ARHGAP15: variants seen among roughly 807,000 people sequenced by gnomAD.
ARHGAP15 encodes Rho GTPase activating protein 15, also known as rho GTPase-activating protein 15.
ARHGAP15 carries 51 observed loss-of-function variants against 63.7 expected under a neutral mutation model. That is an observed-to-expected ratio of 0.80 (90% CI 0.64 to 1.01). The LOEUF is 1.01. Among genes scored for constraint, ARHGAP15 ranks in the 50% least tolerant of loss-of-function variants. ARHGAP15 has a pLI of 0.00. For missense variants in ARHGAP15, 560 were observed against 564.6 expected (o/e 0.99, Z 0.08); for synonymous variants, 191 against 193.8 (o/e 0.99, Z 0.12).
intron 5 of ARHGAP15, chr2:143,238,090 C>T: frequency 6.6e-6 from 1 of 152,124 alleles, no homozygotes; most frequent in East Asian, 1.9e-4. Flanking sequence ...ACTATAAAAA[C>T]TCTAGAATGA....
intron 13 of ARHGAP15, among the ~76,000 whole-genome samples, chr2:143,757,334 A>G (rs562296570): frequency 6.6e-6 from 1 of 151,904 alleles, no homozygotes; most frequent in East Asian, 1.9e-4. Flanking sequence ...ATATAGGGAA[A>G]CCCCGTCTCT....
chr2:143,190,431 A>G (rs1691635860), intron 2 of ARHGAP15, among the ~76,000 whole-genome samples: 1 of 152,122 alleles, frequency 6.6e-6, no homozygotes, highest in African/African-American at 2.4e-5. Context: ...GAAGGGATAT[A>G]TTTTTGCCTC....
At chr2:143,765,107 ATATGTGTGTG>A (rs1165488703) in intron 13 of ARHGAP15, among the ~76,000 whole-genome samples, 1 of 110,324 alleles carries the variant, frequency 9.1e-6, no homozygotes, top group Non-Finnish European at 1.8e-5. Flanking sequence ...TGCCTCTAAA[ATATGTGTGTG>A]TGTGTGTGTG....
At chr2:143,371,014 A>G (rs1029559323) in intron 6 of ARHGAP15, among the ~76,000 whole-genome samples, 1 of 151,956 alleles carries the variant, frequency 6.6e-6, no homozygotes, top group African/African-American at 2.4e-5. Context: ...AATTGGGGGG[A>G]ATAGGTTGTT....
chr2:143,455,850 A>G (rs544235624), intron 8 of ARHGAP15, among the ~76,000 whole-genome samples: 3 of 152,086 alleles, frequency 2.0e-5, no homozygotes, highest in African/African-American at 7.2e-5. Flanking sequence ...AAATGCTCCA[A>G]TCTTGAGTCC....
At chr2:143,289,185 GA>G (rs1682263668) in intron 6 of ARHGAP15, among the ~76,000 whole-genome samples, 1 of 146,438 alleles carries the variant, frequency 6.8e-6, no homozygotes, top group Non-Finnish European at 1.5e-5. Context: ...CAAAAAGGGG[GA>G]AAAATGAAAG....
chr2:143,703,962 TG>T (rs911616652), intron 13 of ARHGAP15: 13 of 149,594 alleles, frequency 8.7e-5, no homozygotes, highest in African/African-American at 3.0e-4. Context: ...TGGCTCAGAT[TG>T]ATAAGGTGCT....
chr2:143,325,818 A>T (rs1282746015), intron 6 of ARHGAP15, among the ~76,000 whole-genome samples: 1 of 152,196 alleles, frequency 6.6e-6, no homozygotes, highest in Non-Finnish European at 1.5e-5. Context: ...ATTTCCATCT[A>T]TAATGCACTT....
intron 6 of ARHGAP15, among the ~76,000 whole-genome samples, chr2:143,407,021 G>A (rs750402104): frequency 5.3e-5 from 8 of 151,902 alleles, no homozygotes; most frequent in African/African-American, 9.7e-5. Context: ...GCTTAGAAAT[G>A]GAGTCTAGCT....
chr2:143,624,291 AG>A (rs1698755516), intron 12 of ARHGAP15, 24 bp downstream of exon 12: 3 of 1,594,442 alleles, frequency 1.9e-6, no homozygotes, highest in Admixed American at 1.7e-5. Context: ...AGAAAAGGGC[AG>A]GTGGTAGAAT....
chr2:143,186,482 G>C (rs1050121992), intron 2 of ARHGAP15, among the ~76,000 whole-genome samples: 2 of 152,050 alleles, frequency 1.3e-5, no homozygotes, highest in South Asian at 2.1e-4. Flanking sequence ...TTTTGCACCT[G>C]TTCATGTCCT....
chr2:143,545,488 G>T (rs1417232894), intron 10 of ARHGAP15, among the ~76,000 whole-genome samples: 1 of 114,442 alleles, frequency 8.7e-6, no homozygotes, highest in Non-Finnish European at 1.8e-5. Context: ...AAACTATGTT[G>T]CACAAAGTAA....
At chr2:143,506,774 T>G (rs1693343238) in intron 9 of ARHGAP15, among the ~76,000 whole-genome samples, 1 of 152,162 alleles carries the variant, frequency 6.6e-6, no homozygotes. Flanking sequence ...TATTACAATC[T>G]TTAGATAGAA....
At chr2:143,174,565 A>G (rs1210523774) in intron 2 of ARHGAP15, among the ~76,000 whole-genome samples, 1 of 152,194 alleles carries the variant, frequency 6.6e-6, no homozygotes, top group Non-Finnish European at 1.5e-5. Flanking sequence ...CAGGTCATAT[A>G]AAGCATCTGT....
chr2:143,712,076 T>C (rs1684605850), intron 13 of ARHGAP15, among the ~76,000 whole-genome samples: 1 of 151,934 alleles, frequency 6.6e-6, no homozygotes, highest in African/African-American at 2.4e-5. Context: ...ACACCAGAAG[T>C]AGGGAAAACA....
chr2:143,490,144 T>C (rs911631621), intron 9 of ARHGAP15, among the ~76,000 whole-genome samples: 9 of 151,812 alleles, frequency 5.9e-5, no homozygotes, highest in African/African-American at 2.2e-4. Flanking sequence ...GGACTACAGG[T>C]GCCCGCCACC....
At chr2:143,677,044 G>C (rs1682862109) in intron 12 of ARHGAP15, among the ~76,000 whole-genome samples, 1 of 152,204 alleles carries the variant, frequency 6.6e-6, no homozygotes, top group South Asian at 2.1e-4. Flanking sequence ...GGAAGTGATT[G>C]AAAGACCATT....
chr2:143,459,056 A>G (rs768758019), intron 8 of ARHGAP15, among the ~76,000 whole-genome samples: 14 of 152,086 alleles, frequency 9.2e-5, no homozygotes, highest in Non-Finnish European at 1.8e-4. Context: ...ATAGTTGTAA[A>G]TTTTTATACA....
intron 6 of ARHGAP15, among the ~76,000 whole-genome samples, chr2:143,430,677 A>G (rs1689346071): frequency 6.6e-6 from 1 of 152,128 alleles, no homozygotes; most frequent in Middle Eastern, 3.4e-3. Flanking sequence ...ATTCATATTC[A>G]CTTCAAATAA....
Sources: gnomAD v4.1 joint callset for allele counts (sites outside exome capture counted in the v4.1 genomes callset) on GRCh38, gnomAD v4.1.1 for gene constraint, MANE v1.5 for transcripts, NCBI Gene and HGNC (gene_info 2026-07-23, HGNC 2026-07-21) for gene names.